Variants in TCF20 observed in about 807,000 individuals in gnomAD.
The protein encoded by TCF20 is SPRE-binding protein.
A neutral mutation model predicts 148.6 loss-of-function variants in TCF20; 3 were observed. The ratio of observed to expected loss-of-function variants is 0.02; its 90% CI spans 0.01 to 0.05. The LOEUF (loss-of-function observed/expected upper bound fraction) is 0.05. Among genes scored for constraint, TCF20 ranks in the 10% least tolerant of loss-of-function variants. TCF20 has a pLI of 1.00. For synonymous variants in TCF20, 1,049 were observed against 909.5 expected, an observed-to-expected ratio of 1.15 and a Z score of -2.76; for missense variants, 2,350 against 2,429.3, an observed-to-expected ratio of 0.97 and a Z score of 0.69.
intron 1 of TCF20, among the ~76,000 whole-genome samples, chr22:42,229,392 CTG>C (rs1923196775): frequency 6.6e-6 from 1 of 152,174 alleles, no homozygotes; most frequent in Non-Finnish European, 1.5e-5. Context: ...GATATCCAGT[CTG>C]TAACTTCCAT....
chr22:42,332,419 T>C (rs1601709956), intron 1 of TCF20, among the ~76,000 whole-genome samples: 1 of 152,044 alleles, frequency 6.6e-6, no homozygotes, highest in African/African-American at 2.4e-5. Context: ...CCAAGGGTGA[T>C]GGCAATGTAA....
At chr22:42,225,022 C>CA (rs1351176787) in intron 1 of TCF20, among the ~76,000 whole-genome samples, 3 of 118,500 alleles carry the variant, frequency 2.5e-5, no homozygotes, top group Non-Finnish European at 5.1e-5. Context: ...TTTTTTGAGA[C>CA]AGAGTCTTAC....
At position 42,338,993 on chromosome 22, in the gene TCF20, C is replaced by G. The variant is rs1928117154; in HGVS notation, c.-37+4486G>C. On this transcript the variant is annotated intron_variant, in intron 1 of 1. Coordinates refer to the TCF20 transcript ENST00000515426. This position sits in a 1 kb window ranked among gnomAD's most constrained non-coding sequence, Gnocchi z 4.0. ...CAGGGTTGTTCCAGAAGGCATCCAG[C>G]CCTTTAAAGCCCTCCCACGAGCAGC... is the stretch of plus-strand genomic sequence containing the variant. Among the ~76,000 whole-genome samples the G allele has an allele frequency of 6.6e-6, 1 of 152,146 alleles. No individual in the cohort carries two copies. The highest frequency in any genetic ancestry group is 1.5e-5 in the Non-Finnish European group (1 of 68,034).
upstream of TCF20, among the ~76,000 whole-genome samples, chr22:42,286,088 T>C (rs1404674032): frequency 6.6e-6 from 1 of 152,206 alleles, no homozygotes; most frequent in African/African-American, 2.4e-5. Flanking sequence ...CTGACCCCTC[T>C]GAGCCTGCCT....
Position 42,210,883 on chromosome 22 carries a change from T to A in TCF20, c.4423A>T (p.Asn1475Tyr). ...TSTTSQKPGS[N>Y]QGRPDGSLGG... ...AGGGAACCATCTGGTCTCCCTTGGT[T>A]ACTACCAGGCTTCTGTGAGGTTGTG... The change falls in exon 2 of 6, where the codon AAC becomes TAC. Residue 1475 changes from asparagine (N) to tyrosine (Y), a missense_variant. Coordinates refer to ENST00000677622, the MANE Select transcript of TCF20 (RefSeq NM_001378418.1). This position sits in a 1 kb window ranked among gnomAD's most constrained non-coding sequence, Gnocchi z 4.7. 2 of 1,614,188 alleles carry A rather than the reference T, an allele frequency of 1.2e-6. No individual in the cohort carries two copies. The highest frequency in any genetic ancestry group is 1.7e-6 in the Non-Finnish European group (2 of 1,180,040).
intron 1 of TCF20, among the ~76,000 whole-genome samples, chr22:42,228,241 A>C (rs1010287099): frequency 1.3e-5 from 2 of 151,986 alleles, no homozygotes; most frequent in Admixed American, 6.6e-5. Flanking sequence ...GTGTTGATGG[A>C]GGTAGTGACA....
chr22:42,168,595 T>G lies in TCF20; in HGVS notation c.*44+14A>C, dbSNP rs1458428066. ...GCCGGGCAGGATGCAGGGAGCCCGGTGGCCCCGACTCACCTGTGCTTGCTG... is the reference window on the plus strand; with the variant it reads ...GCCGGGCAGGATGCAGGGAGCCCGGGGGCCCCGACTCACCTGTGCTTGCTG... On this transcript the variant is annotated intron_variant, in intron 5 of 5. Transcript: ENST00000677622. 6.4e-7 allele frequency: 1 copy of G among 1,550,732 alleles called. No homozygotes were observed. Among genetic ancestry groups the G allele is most frequent in the East Asian group, 2.4e-5 (1 of 41,380 alleles).
chr22:42,229,824 T>C (rs190566495), intron 1 of TCF20, among the ~76,000 whole-genome samples: 126 of 152,318 alleles, frequency 8.3e-4, no homozygotes, highest in African/African-American at 2.7e-3. Context: ...ACAGCACTTC[T>C]TGTCCATACA....
chr22:42,294,670 G>A (rs1927199026), intron 1 of TCF20, among the ~76,000 whole-genome samples: 1 of 152,346 alleles, frequency 6.6e-6, no homozygotes, highest in East Asian at 1.9e-4. Flanking sequence ...GGGACTTGAT[G>A]GAGATTATCT....
intron 2 of TCF20, among the ~76,000 whole-genome samples, chr22:42,206,118 G>T (rs564308769): frequency 1.3e-5 from 2 of 152,134 alleles, no homozygotes; most frequent in African/African-American, 2.4e-5. Flanking sequence ...TGCTGGGGAA[G>T]ATTTAGCCTG....
chr22:42,312,700 C>A (rs914828603), intron 1 of TCF20, among the ~76,000 whole-genome samples: 6 of 152,158 alleles, frequency 3.9e-5, no homozygotes, highest in Non-Finnish European at 8.8e-5. Flanking sequence ...GGTCACCCCC[C>A]ATCCCTGCTG....
rs532486123 is a variant in TCF20 at position 42,292,778 on chromosome 22, G to A, written c.-37+50701C>T. Among the ~76,000 whole-genome samples the A allele has an allele frequency of 6.6e-5, 10 of 151,896 alleles. No individual in the cohort carries two copies. The South Asian group carries it at 1.0e-3, about 16-fold the overall frequency. ...CTCTGCTCCCAGCCAGCCCCTCTGCGCCTCCAGGGCCGGCCGAGCACTAGC... is the reference window on the plus strand; with the variant it reads ...CTCTGCTCCCAGCCAGCCCCTCTGCACCTCCAGGGCCGGCCGAGCACTAGC... On this transcript the variant is annotated intron_variant, in intron 1 of 1. Transcript: ENST00000515426. This position sits in a 1 kb window ranked among gnomAD's most constrained non-coding sequence, Gnocchi z 4.9.
At chr22:42,237,771 T>C (rs1268612362) in intron 1 of TCF20, among the ~76,000 whole-genome samples, 1 of 152,218 alleles carries the variant, frequency 6.6e-6, no homozygotes, top group Non-Finnish European at 1.5e-5. Context: ...AGCTCTTAGG[T>C]GACCAGGTAT....
chr22:42,277,174 C>T (rs1345493373), intron 1 of TCF20: 1 of 152,248 alleles, frequency 6.6e-6, no homozygotes, highest in Non-Finnish European at 1.5e-5. Flanking sequence ...TTCCCTCTTC[C>T]CTACAGATTG....
rs931794410 is a variant in TCF20, at chr22:42,220,835, C to A, written c.-36-5494G>T. 2.6e-5 allele frequency among the ~76,000 whole-genome samples: 4 copies of A among 152,152 alleles called. No individual in the cohort carries two copies. The East Asian group carries it at 7.7e-4, about 29-fold the overall frequency. On this transcript the variant is annotated intron_variant, in intron 1 of 5. Coordinates refer to ENST00000677622, the MANE Select transcript of TCF20 (RefSeq NM_001378418.1). ...CAATGGCTGCAGCTCCATCGGGCAA[C>A]CTCAACATATAGCCACTTTCTCCAA...
intron 1 of TCF20, among the ~76,000 whole-genome samples, chr22:42,246,140 CTG>C (rs942509170): frequency 2.6e-5 from 4 of 152,148 alleles, no homozygotes; most frequent in Admixed American, 1.3e-4. Context: ...GAGTCTCACT[CTG>C]TCACCCAGGC....
At chr22:42,313,725 G>A (rs1242680606) in intron 1 of TCF20, among the ~76,000 whole-genome samples, 2 of 151,020 alleles carry the variant, frequency 1.3e-5, no homozygotes, top group South Asian at 2.1e-4. Flanking sequence ...TCAGCCTCCC[G>A]AGTAGCTGGG....
chr22:42,204,414 G>C (rs1308859338), intron 2 of TCF20, among the ~76,000 whole-genome samples: 2 of 152,178 alleles, frequency 1.3e-5, no homozygotes, highest in African/African-American at 2.4e-5. Flanking sequence ...AGAATCACTT[G>C]AATACAGGAG....
At chr22:42,287,768 T>C (rs1285291499), upstream of TCF20, among the ~76,000 whole-genome samples, 1 of 152,112 alleles carries the variant, frequency 6.6e-6, no homozygotes, top group Admixed American at 6.6e-5. Context: ...TCAAAGGCCG[T>C]TACATTGCTT....
Sources: gnomAD v4.1 joint callset for allele counts (sites outside exome capture counted in the v4.1 genomes callset) on GRCh38, gnomAD v4.1.1 for gene constraint, Gnocchi (gnomAD v3.1) non-coding constraint, MANE v1.5 for transcripts, NCBI Gene and HGNC (gene_info 2026-07-23, HGNC 2026-07-21) for gene names.